Variants in ZNF536 observed in about 807,000 individuals in gnomAD.
ZNF536 encodes zinc finger protein 536.
A neutral mutation model predicts 84.5 loss-of-function variants in ZNF536; 13 were observed. That is an observed-to-expected ratio of 0.15 (90% CI 0.10 to 0.24). The LOEUF is 0.24. ZNF536 is among the 10% of genes least tolerant of loss of function. The pLI, the probability that ZNF536 is intolerant of heterozygous loss-of-function variation, is 1.00. For missense variants in ZNF536, 1,536 were observed against 1,747.5 expected, an observed-to-expected ratio of 0.88 and a Z score of 2.16; for synonymous variants, 811 against 742.5, an observed-to-expected ratio of 1.09 and a Z score of -1.50.
intron 1 of ZNF536, among the ~76,000 whole-genome samples, chr19:30,382,673 A>G (rs1684834730): frequency 6.6e-6 from 1 of 151,986 alleles, no homozygotes; most frequent in Non-Finnish European, 1.5e-5. Flanking sequence ...ACAAAGGCCG[A>G]TAGTGAGGGA....
intron 1 of ZNF536, among the ~76,000 whole-genome samples, chr19:30,617,644 C>T (rs541547859): frequency 1.1e-4 from 16 of 151,998 alleles, no homozygotes; most frequent in East Asian, 1.9e-4. Flanking sequence ...GCCACCACAC[C>T]TGGCCTGAAT....
At chr19:30,603,969 A>G (rs1285107420) in intron 1 of ZNF536, among the ~76,000 whole-genome samples, 1 of 152,214 alleles carries the variant, frequency 6.6e-6, no homozygotes, top group Non-Finnish European at 1.5e-5. Flanking sequence ...ACACATTTAT[A>G]ATCCCAGCTA....
At chr19:30,696,158 A>G (rs1210897990) in intron 1 of ZNF536, among the ~76,000 whole-genome samples, 1 of 152,186 alleles carries the variant, frequency 6.6e-6, no homozygotes, top group Admixed American at 6.5e-5. Context: ...TAACCTGAAA[A>G]GTGGTCAGCT....
chr19:30,425,506 C>T (rs1449309652), intron 1 of ZNF536, among the ~76,000 whole-genome samples: 1 of 152,152 alleles, frequency 6.6e-6, no homozygotes, highest in Non-Finnish European at 1.5e-5. Context: ...TCAAATGTCA[C>T]CAAGCATCTG....
rs2046001104 is a variant in ZNF536, at chr19:30,557,295, T to C, written c.*131T>C. 7 of 1,042,888 alleles carry C rather than the reference T, an allele frequency of 6.7e-6. No individual in the cohort carries two copies. In the East Asian group the frequency reaches 1.7e-4, roughly 25 times the overall value. The allele number at this position is 1,042,888 out of a possible 1,614,324, so 64.6% of individuals were successfully genotyped here. A position where few individuals can be genotyped will look rare whatever the true frequency, so the allele number is the denominator to read the frequency against. Reference sequence around the variant, plus strand: ...ACACATATGTGTGTTGAATAATTACTATTGGCATAGGTATGTGTATACACA... The same window carrying C: ...ACACATATGTGTGTTGAATAATTACCATTGGCATAGGTATGTGTATACACA... On this transcript the variant is annotated 3_prime_UTR_variant, in exon 5 of 5. Coordinates refer to ENST00000355537, the MANE Select transcript of ZNF536 (RefSeq NM_014717.3).
chr19:30,680,305 G>C (rs1166013914), intron 1 of ZNF536, among the ~76,000 whole-genome samples: 1 of 151,076 alleles, frequency 6.6e-6, no homozygotes, highest in East Asian at 2.0e-4. Flanking sequence ...ACAATGTGCA[G>C]GTTAGTTACA....
chr19:30,581,730 G>A (rs2046928125), intron 1 of ZNF536, among the ~76,000 whole-genome samples: 1 of 151,980 alleles, frequency 6.6e-6, no homozygotes, highest in Non-Finnish European at 1.5e-5. Flanking sequence ...GAGGTCAGGA[G>A]TTCAAGACCA....
At chr19:30,366,404 A>C (rs1016975944) in intron 3 of ZNF536, among the ~76,000 whole-genome samples, 5 of 132,386 alleles carry the variant, frequency 3.8e-5, no homozygotes, top group Admixed American at 7.6e-5. Context: ...ATCTATATCT[A>C]TCTCCTTCCT....
chr19:30,621,287 T>C (rs2048472300), intron 1 of ZNF536, among the ~76,000 whole-genome samples: 1 of 152,064 alleles, frequency 6.6e-6, no homozygotes, highest in Non-Finnish European at 1.5e-5. Flanking sequence ...GAGGTGTCTC[T>C]CATAGATCAT....
intron 1 of ZNF536, among the ~76,000 whole-genome samples, chr19:30,568,905 C>T (rs2046442899): frequency 1.3e-5 from 2 of 152,182 alleles, no homozygotes; most frequent in Non-Finnish European, 2.9e-5. Flanking sequence ...TCTCAGGGCC[C>T]CTGCTTTTAC....
chr19:30,298,845 T>G (rs183537435), intron 2 of ZNF536, among the ~76,000 whole-genome samples: 5 of 152,386 alleles, frequency 3.3e-5, no homozygotes, highest in Admixed American at 6.5e-5. Flanking sequence ...TCTTACTTAC[T>G]TCTCAGCTGC....
In ZNF536 at chr19:30,444,442, C is replaced by G; in HGVS notation, c.880C>G (p.Arg294Gly). The stretch of plus-strand genomic sequence containing the variant: ...GCGCGAGGAGCTGGACCGCCACATC[C>G]GCATCTTGCACAAGCCCTACAAGTG... ...KKREELDRHI[R>G]ILHKPYKCTL... Residue 294 changes from arginine (R) to glycine (G), a missense_variant, in exon 2 of 5, where the codon CGC (arginine) becomes GGC (glycine). This residue lies in a region of ZNF536 where 61 missense variants were observed against 104.0 expected (regional missense o/e 0.59). Transcript: ENST00000355537. 1 of 1,609,596 alleles carries G rather than the reference C, an allele frequency of 6.2e-7. No individual in the cohort carries two copies. The highest frequency in any genetic ancestry group is 8.5e-7 in the Non-Finnish European group (1 of 1,179,904).
At chr19:30,468,026 G>C (rs1040550072) in intron 2 of ZNF536, among the ~76,000 whole-genome samples, 1 of 152,226 alleles carries the variant, frequency 6.6e-6, no homozygotes, top group African/African-American at 2.4e-5. Context: ...GCTCATGCTG[G>C]GAGTGAGTGA....
chr19:30,667,292 G>A (rs1006105457), intron 1 of ZNF536, among the ~76,000 whole-genome samples: 1 of 152,176 alleles, frequency 6.6e-6, no homozygotes, highest in Non-Finnish European at 1.5e-5. Context: ...AGGAGCAATC[G>A]CCTGTCCCAG....
At chr19:30,438,505 C>T (rs1457364518) in intron 1 of ZNF536, among the ~76,000 whole-genome samples, 1 of 152,048 alleles carries the variant, frequency 6.6e-6, no homozygotes, top group East Asian at 1.9e-4. Flanking sequence ...GCTCTGGCAG[C>T]AGGGTTGGGG....
chr19:30,546,399 G>T (rs1399635220), intron 3 of ZNF536, among the ~76,000 whole-genome samples: 3 of 152,206 alleles, frequency 2.0e-5, no homozygotes, highest in Admixed American at 2.0e-4. Context: ...GGCCACCTCT[G>T]AAAAAGTGTC....
chr19:30,448,537 A>G (rs2052456674), intron 2 of ZNF536, among the ~76,000 whole-genome samples: 1 of 152,248 alleles, frequency 6.6e-6, no homozygotes, highest in Non-Finnish European at 1.5e-5. Flanking sequence ...CGGTTTTACA[A>G]ATTTCTCAGA....
intron 1 of ZNF536, among the ~76,000 whole-genome samples, chr19:30,706,637 G>T (rs2052242046): frequency 2.0e-5 from 3 of 152,160 alleles, no homozygotes; most frequent in Non-Finnish European, 2.9e-5. Flanking sequence ...AGTGCTGCTG[G>T]CCTATTTGGA....
intron 1 of ZNF536, among the ~76,000 whole-genome samples, chr19:30,246,801 C>T (rs1195432830): frequency 6.6e-6 from 1 of 152,102 alleles, no homozygotes; most frequent in Non-Finnish European, 1.5e-5. Flanking sequence ...TTTTTCAATT[C>T]AATGAGTAAA....
Sources: gnomAD v4.1 joint callset for allele counts (sites outside exome capture counted in the v4.1 genomes callset) on GRCh38, gnomAD v4.1.1 for gene constraint, gnomAD v4.1.1 regional missense constraint, MANE v1.5 for transcripts, NCBI Gene and HGNC (gene_info 2026-07-23, HGNC 2026-07-21) for gene names.